Variants in CCNB3 observed in about 807,000 individuals in gnomAD.
CCNB3 encodes the protein cyclin B3.
CCNB3 carries 12 observed loss-of-function variants against 68.0 expected under a neutral mutation model. That is an observed-to-expected ratio of 0.18 (90% CI 0.11 to 0.29). The LOEUF (loss-of-function observed/expected upper bound fraction) is 0.29. Among genes scored for constraint, CCNB3 ranks in the 10% least tolerant of loss-of-function variants. The pLI, the probability that CCNB3 is intolerant of heterozygous loss-of-function variation, is 1.00. For synonymous variants in CCNB3, 354 were observed against 388.9 expected, an observed-to-expected ratio of 0.91 and a Z score of 1.06; for missense variants, 904 against 993.1, an observed-to-expected ratio of 0.91 and a Z score of 1.21.
Position 50,309,523 on chromosome X carries a change from A to G in CCNB3, c.1354A>G (p.Lys452Glu). The G allele has an allele frequency of 8.3e-7, 1 of 1,211,621 alleles. No homozygotes were observed. Among genetic ancestry groups the G allele is most frequent in the Non-Finnish European group, 1.1e-6 (1 of 895,450 alleles). ...HTTQEEVSIL[K>E]EPSSLLKSPT... The stretch of plus-strand genomic sequence containing the variant: ...CACTCAGGAGGAGGTTTCCATCTTA[A>G]AGGAGCCCTCGTCCTTGCTAAAGTC... Residue 452 changes from lysine (K) to glutamate (E), a missense_variant, in exon 6 of 13, where the codon AAG (lysine) becomes GAG (glutamate). Around this residue, in one of 2 missense-constraint regions of CCNB3, gnomAD observed 619 missense variants for 609.8 expected, o/e 1.02. Transcript: ENST00000376042.
chrX:50,305,002 A>G (rs1254309702), intron 5 of CCNB3, among the ~76,000 whole-genome samples: 1 of 111,539 alleles, frequency 9.0e-6, no homozygotes, highest in African/African-American at 3.3e-5. Context: ...AAGTCAGGAA[A>G]CAACAGGTGC....
chrX:50,319,340 A>G (rs1476271171), intron 8 of CCNB3, among the ~76,000 whole-genome samples: 1 of 111,238 alleles, frequency 9.0e-6, no homozygotes, highest in Admixed American at 9.6e-5. Flanking sequence ...GATCCTATAC[A>G]TGTTTTGTTA....
At chrX:50,334,695 G>A (rs782067935) in intron 8 of CCNB3, among the ~76,000 whole-genome samples, 1 of 112,347 alleles carries the variant, frequency 8.9e-6, no homozygotes, top group East Asian at 2.8e-4. Context: ...GTAGTCCTGG[G>A]ACTGGGGGCC....
intron 11 of CCNB3, among the ~76,000 whole-genome samples, chrX:50,349,926 C>A (rs1406398034): frequency 9.0e-6 from 1 of 111,683 alleles, no homozygotes; most frequent in Admixed American, 9.5e-5. Flanking sequence ...GTCTGTTGAG[C>A]TCCCCACTTA....
chrX:50,292,272 T>C (rs1309754994), intron 4 of CCNB3, among the ~76,000 whole-genome samples: 1 of 111,219 alleles, frequency 9.0e-6, no homozygotes, highest in Non-Finnish European at 1.9e-5. Flanking sequence ...GCTAGGATCA[T>C]GTATTTACTT....
intron 12 of CCNB3, 111 bp downstream of exon 12, chrX:50,351,482 A>G (rs891288716): frequency 1.6e-5 from 17 of 1,072,692 alleles, no homozygotes; most frequent in Middle Eastern, 6.9e-4. Flanking sequence ...GGCACTTTTC[A>G]CCTTCCTTTC....
chrX:50,346,015 G>A (rs1431666204), intron 9 of CCNB3, among the ~76,000 whole-genome samples: 2 of 112,091 alleles, frequency 1.8e-5, no homozygotes, highest in African/African-American at 3.2e-5. Context: ...CCTCCAGAGG[G>A]CAGAGCCCTG....
chrX:50,208,177 C>T (rs1257127076), intron 1 of CCNB3, among the ~76,000 whole-genome samples: 2 of 111,625 alleles, frequency 1.8e-5, no homozygotes, highest in Non-Finnish European at 3.8e-5. Flanking sequence ...TAGCACATAC[C>T]GAAATTTCAG....
intron 9 of CCNB3, among the ~76,000 whole-genome samples, chrX:50,345,055 T>G (rs1482135219): frequency 1.7e-5 from 1 of 60,523 alleles, no homozygotes; most frequent in South Asian, 9.3e-4. Context: ...TCTTACCCCC[T>G]CCCTCCCTCC....
intron 1 of CCNB3, among the ~76,000 whole-genome samples, chrX:50,222,612 T>C (rs999521777): frequency 2.7e-5 from 3 of 111,954 alleles, no homozygotes; most frequent in Non-Finnish European, 3.8e-5. Flanking sequence ...TCTTCTGGCC[T>C]ATAGGGTTTC....
At chrX:50,292,403 G>T (rs983504570) in intron 4 of CCNB3, among the ~76,000 whole-genome samples, 2 of 110,103 alleles carry the variant, frequency 1.8e-5, no homozygotes, top group Non-Finnish European at 3.8e-5. Context: ...TCCTCATTTT[G>T]TTTTTGTCTA....
In CCNB3 at chrX:50,308,638, C is replaced by G. The variant is rs1557213890; in HGVS notation, c.469C>G (p.Pro157Ala). 4.1e-6 allele frequency: 5 copies of G among 1,207,278 alleles called. No homozygotes were observed. The highest frequency in any genetic ancestry group is 1.1e-6 in the Non-Finnish European group (1 of 893,205). Residue 157 changes from proline (P) to alanine (A), a missense_variant, in exon 6 of 13, where the codon CCA becomes GCA. By Grantham distance (27) the Pro-to-Ala change is conservative (BLOSUM62 -1). Around this residue, in one of 2 missense-constraint regions of CCNB3, gnomAD observed 619 missense variants for 609.8 expected, o/e 1.02. Coordinates refer to ENST00000376042, the MANE Select transcript of CCNB3 (RefSeq NM_033031.3). Reference sequence around the variant, plus strand: ...TGAGGAGGCATCTCTCTTCAGAAAGCCATTAGTTTTAAAGGAGGAACCCAC... The same window carrying G: ...TGAGGAGGCATCTCTCTTCAGAAAGGCATTAGTTTTAAAGGAGGAACCCAC... ...NTEEASLFRK[P>A]LVLKEEPTIE...
chrX:50,315,644 G>T (rs1286424499), intron 8 of CCNB3, among the ~76,000 whole-genome samples: 1 of 111,228 alleles, frequency 9.0e-6, no homozygotes, highest in African/African-American at 3.3e-5. Flanking sequence ...GATCACATTT[G>T]TAAATAAATA....
intron 8 of CCNB3, among the ~76,000 whole-genome samples, chrX:50,330,303 T>C (rs1191587630): frequency 8.9e-6 from 1 of 111,857 alleles, no homozygotes; most frequent in Non-Finnish European, 1.9e-5. Flanking sequence ...ATAGATAATA[T>C]AACCGTTTAG....
chrX:50,206,032 C>T (rs1259119477), intron 1 of CCNB3, among the ~76,000 whole-genome samples: 3 of 109,115 alleles, frequency 2.7e-5, no homozygotes, highest in African/African-American at 1.0e-4. Context: ...AGGCGGATCA[C>T]GAGATCAAAA....
Position 50,310,521 on chromosome X carries a change from C to G in CCNB3, c.2352C>G (p.Ala784=). The G allele has an allele frequency of 8.3e-7, 1 of 1,210,892 alleles. No individual in the cohort carries two copies. The highest frequency in any genetic ancestry group is 1.1e-6 in the Non-Finnish European group (1 of 894,990). Residue 784 remains alanine (A), a synonymous_variant, in exon 6 of 13, where the codon GCC becomes GCG. Transcript: ENST00000376042. ...EEEFLNKQPL[A]LEGYPSIAEG... Reference sequence around the variant, plus strand: ...AGTTCCTTAATAAGCAGCCACTGGCCTTGGAGGGGTATCCCAGCATTGCGG... The same window carrying G: ...AGTTCCTTAATAAGCAGCCACTGGCGTTGGAGGGGTATCCCAGCATTGCGG...
intron 5 of CCNB3, among the ~76,000 whole-genome samples, chrX:50,299,376 T>G (rs1557211867): frequency 9.0e-6 from 1 of 111,725 alleles, no homozygotes; most frequent in Non-Finnish European, 1.9e-5. Flanking sequence ...ATTTCTGCCT[T>G]AATTTTGCTA....
intron 1 of CCNB3, among the ~76,000 whole-genome samples, chrX:50,283,327 G>A (rs770777729): frequency 2.7e-5 from 3 of 111,027 alleles, no homozygotes; most frequent in Non-Finnish European, 3.8e-5. Context: ...GAAACTGCCT[G>A]GGAAAAAGCT....
At chrX:50,300,779 C>T (rs914753841) in intron 5 of CCNB3, among the ~76,000 whole-genome samples, 5 of 111,820 alleles carry the variant, frequency 4.5e-5, no homozygotes, top group East Asian at 2.8e-4. Flanking sequence ...AGCAATTAGG[C>T]GTAGATTTGG....
Sources: allele counts gnomAD v4.1 joint callset (sites outside exome capture counted in the v4.1 genomes callset), GRCh38; gene constraint gnomAD v4.1.1; regional missense constraint gnomAD v4.1.1; transcripts MANE v1.5; gene names NCBI Gene and HGNC (gene_info 2026-07-23, HGNC 2026-07-21).